Variants in LRRC49 observed in about 807,000 individuals in gnomAD.
The protein encoded by LRRC49 is leucine-rich repeat-containing protein 49.
LRRC49 carries 50 observed loss-of-function variants against 83.3 expected under a neutral mutation model. The ratio of observed to expected loss-of-function variants is 0.60; its 90% CI spans 0.48 to 0.76. LRRC49 has a LOEUF of 0.76. Ranked by LOEUF, LRRC49 falls within the 30% of genes least tolerant of loss-of-function variation. The pLI is 0.00. For synonymous variants in LRRC49, 286 were observed against 283.3 expected (o/e 1.01, Z -0.10); for missense variants, 704 against 809.1 (o/e 0.87, Z 1.58).
intron 1 of LRRC49, among the ~76,000 whole-genome samples, chr15:70,861,614 G>A (rs922967034): frequency 2.0e-5 from 3 of 151,946 alleles, no homozygotes; most frequent in Non-Finnish European, 2.9e-5. Context: ...TAAAGATAAC[G>A]TCTTGCTCTC....
At chr15:70,858,862 G>T (rs1276781700) in intron 1 of LRRC49, 14 of 764,500 alleles carry the variant, frequency 1.8e-5, no homozygotes, top group Non-Finnish European at 3.3e-5. Context: ...GGGTGGCCTG[G>T]GTGGAGGCTG....
At chr15:71,035,085 CT>C (rs1198743270) in intron 14 of LRRC49, among the ~76,000 whole-genome samples, 1 of 151,856 alleles carries the variant, frequency 6.6e-6, no homozygotes, top group Admixed American at 6.6e-5. Flanking sequence ...TCATTTTTTT[CT>C]TTACAAAGGT....
chr15:70,955,127 T>G (rs563562374), intron 8 of LRRC49, among the ~76,000 whole-genome samples: 1 of 152,282 alleles, frequency 6.6e-6, no homozygotes, highest in East Asian at 1.9e-4. Flanking sequence ...GGCCTGGAAT[T>G]TACTTTTTTT....
chr15:70,926,039 G>A (rs1207074343), intron 7 of LRRC49, among the ~76,000 whole-genome samples: 2 of 152,106 alleles, frequency 1.3e-5, no homozygotes, highest in African/African-American at 2.4e-5. Flanking sequence ...TAAAGATTAT[G>A]TACTCTTTTG....
chr15:70,922,331 G>T (rs2035037558), intron 7 of LRRC49, among the ~76,000 whole-genome samples: 1 of 152,130 alleles, frequency 6.6e-6, no homozygotes. Context: ...ATACACAGTG[G>T]AGTAGTATTC....
intron 11 of LRRC49, among the ~76,000 whole-genome samples, chr15:70,988,765 T>A (rs1480087845): frequency 3.3e-5 from 5 of 152,346 alleles, no homozygotes; most frequent in Middle Eastern, 6.8e-3. Context: ...GATTTTGCAG[T>A]GGCTGGTACC....
At chr15:70,963,656 A>T in intron 8 of LRRC49, 129 bp from the exon 9 acceptor site, 1 of 941,088 alleles carries the variant, frequency 1.1e-6, no homozygotes, top group Non-Finnish European at 1.6e-6. Flanking sequence ...TATGGGGTAT[A>T]GGGGAACTCT....
chr15:70,859,448 C>T (rs551550308), intron 1 of LRRC49: 8 of 722,492 alleles, frequency 1.1e-5, no homozygotes, highest in South Asian at 8.4e-5. Flanking sequence ...ATCTGTGGTG[C>T]TGTCCATGGA....
chr15:70,892,001 C>G, upstream of LRRC49: 1 of 1,612,972 alleles, frequency 6.2e-7, no homozygotes, highest in South Asian at 1.1e-5. Flanking sequence ...GGCGGGCACC[C>G]GGTGCAGGGT....
chr15:70,897,501 C>A (rs1293239453), intron 3 of LRRC49, among the ~76,000 whole-genome samples: 3 of 152,168 alleles, frequency 2.0e-5, no homozygotes, highest in Non-Finnish European at 4.4e-5. Context: ...GAAGGCCACA[C>A]AACTTATTTT....
At chr15:71,020,027 A>C (rs1181653874) in intron 14 of LRRC49, among the ~76,000 whole-genome samples, 1 of 152,228 alleles carries the variant, frequency 6.6e-6, no homozygotes, top group Non-Finnish European at 1.5e-5. Context: ...ATTATCATGC[A>C]TAGACTATAA....
chr15:70,893,811 C>T (rs1057000305), intron 2 of LRRC49, among the ~76,000 whole-genome samples, 171 bp downstream of exon 2: 7 of 151,720 alleles, frequency 4.6e-5, no homozygotes, highest in East Asian at 3.9e-4. Context: ...GCTAAAATAG[C>T]CCTCTTTAAA....
chr15:70,886,846 A>G (rs2033422179), intron 2 of LRRC49, among the ~76,000 whole-genome samples: 1 of 151,972 alleles, frequency 6.6e-6, no homozygotes, highest in Non-Finnish European at 1.5e-5. Context: ...AGCCTGTGTG[A>G]CAGAGTGAGC....
intron 11 of LRRC49, among the ~76,000 whole-genome samples, chr15:70,993,388 C>T (rs1438371203): frequency 2.0e-5 from 3 of 152,138 alleles, no homozygotes; most frequent in African/African-American, 7.2e-5. Context: ...CACTCACTGT[C>T]CTGCACCCAC....
chr15:70,858,789 CA>C, intron 1 of LRRC49: 1 of 922,558 alleles, frequency 1.1e-6, no homozygotes, highest in Non-Finnish European at 1.7e-6. Flanking sequence ...TGCTCCTACA[CA>C]AGTGGGCCCA....
intron 4 of LRRC49, among the ~76,000 whole-genome samples, 159 bp from the exon 5 acceptor site, chr15:70,904,393 C>T (rs905567395): frequency 3.9e-5 from 6 of 152,042 alleles, no homozygotes; most frequent in African/African-American, 1.4e-4. Context: ...GAATGATTTA[C>T]AATTAAATAT....
At position 70,893,510 on chromosome 15, in the gene LRRC49, G is replaced by A. The variant is rs1291969636; in HGVS notation, c.49-74G>A. ...CTATTTTTTTGTTGTATTTCTGTTT[G>A]TACCTTTTTTTTTTTTGGAAATATG... On this transcript the variant is annotated intron_variant, in intron 1 of 15. Coordinates refer to ENST00000260382, the MANE Select transcript of LRRC49 (RefSeq NM_017691.5). 1.1e-5 allele frequency: 9 copies of A among 847,840 alleles called. No individual in the cohort carries two copies. The Admixed American group carries it at 1.9e-4, about 18-fold the overall frequency. The allele number at this position is 847,840 out of a possible 1,614,324, so 52.5% of individuals were successfully genotyped here.
At chr15:70,986,310 T>G (rs2037615851) in intron 11 of LRRC49, among the ~76,000 whole-genome samples, 1 of 152,102 alleles carries the variant, frequency 6.6e-6, no homozygotes, top group Non-Finnish European at 1.5e-5. Context: ...TTTATTTCAT[T>G]GAGCAGTGGT....
At chr15:71,043,142 C>A (rs1307935787) in intron 15 of LRRC49, among the ~76,000 whole-genome samples, 1 of 152,180 alleles carries the variant, frequency 6.6e-6, no homozygotes, top group Non-Finnish European at 1.5e-5. Flanking sequence ...AGAGAGTTTT[C>A]TCTATGGAAG....
Sources: allele counts gnomAD v4.1 joint callset (sites outside exome capture counted in the v4.1 genomes callset), GRCh38; gene constraint gnomAD v4.1.1; transcripts MANE v1.5; gene names NCBI Gene and HGNC (gene_info 2026-07-23, HGNC 2026-07-21).